The following MAPK15 variants were observed in gnomAD, a reference collection of about 807,000 sequenced individuals.
The protein encoded by MAPK15 is ERK-7.
In MAPK15, 61 loss-of-function variants were observed where a neutral mutation model predicts 60.8. The ratio of observed to expected loss-of-function variants is 1.00; its 90% CI spans 0.82 to 1.24. The LOEUF (loss-of-function observed/expected upper bound fraction) is 1.24, where lower values mean the gene tolerates loss of function less well. MAPK15 is among the 50% of genes most tolerant of loss of function. The pLI is 0.00. For missense variants in MAPK15, 808 were observed against 741.1 expected, an observed-to-expected ratio of 1.09 and a Z score of -1.05; for synonymous variants, 356 against 319.9, an observed-to-expected ratio of 1.11 and a Z score of -1.21.
intron 12 of MAPK15, 27 bp from the exon 13 acceptor site, chr8:143,721,725 G>A (rs1818079488): frequency 1.2e-6 from 2 of 1,613,338 alleles, no homozygotes; most frequent in Non-Finnish European, 1.7e-6. Flanking sequence ...GCACCTTTCA[G>A]TGACCCTGTG....
chr8:143,721,918 C>T (rs1298698026), intron 13 of MAPK15, 38 bp downstream of exon 13: 1 of 1,518,258 alleles, frequency 6.6e-7, no homozygotes, highest in African/African-American at 1.4e-5. Context: ...CCCTCATCCT[C>T]CTTTCCCCTT....
In MAPK15 at chr8:143,718,269, G is replaced by A. The variant is rs1817890905; in HGVS notation, c.253G>A (p.Asp85Asn). ...SLLDVIRAENDRDIYLVFEFM... is the reference protein window; with the variant it reads ...SLLDVIRAENNRDIYLVFEFM... ...CCTTGACGTGATCCGGGCAGAGAAC[G>A]ACAGGGACATTTACCTGGTGTTTGA... Residue 85 changes from aspartate to asparagine, a missense_variant, in exon 4 of 14, where the codon GAC becomes AAC. Physicochemically the swap from Asp to Asn is conservative, Grantham distance 23. Transcript: ENST00000338033. The A allele has an allele frequency of 6.2e-7, 1 of 1,614,132 alleles. No individual in the cohort carries two copies. The highest frequency in any genetic ancestry group is 8.5e-7 in the Non-Finnish European group (1 of 1,180,022).
rs1817953985 is a variant in MAPK15, at chr8:143,719,370, T to A, written c.609T>A (p.Ser203Arg). 1 of 1,609,918 alleles carries A rather than the reference T, an allele frequency of 6.2e-7. No homozygotes were observed. The change falls in exon 7 of 14, where the codon AGT (serine) becomes AGA (arginine). Residue 203 changes from serine (S) to arginine (R), a missense_variant. Coordinates refer to ENST00000338033, the MANE Select transcript of MAPK15 (RefSeq NM_139021.3). ...ACACCCTTGGGGTGGACATGTGGAG[T>A]CTGGGCTGTATCCTGGGGGAGATGC... The part of the protein sequence containing the change: ...HRYTLGVDMW[S>R]LGCILGEMLR...
intron 4 of MAPK15, 48 bp from the exon 5 acceptor site, chr8:143,718,727 G>GGGGGGCCCCCCCCCC: frequency 1.9e-6 from 1 of 514,512 alleles, no homozygotes; most frequent in Non-Finnish European, 3.2e-6. Flanking sequence ...CCCCCAGGTT[G>GGGGGGCCCCCCCCCC]CCCCCCCAGC....
intron 6 of MAPK15, 78 bp from the exon 7 acceptor site, chr8:143,719,264 TC>T: frequency 6.6e-7 from 1 of 1,522,808 alleles, no homozygotes; most frequent in Non-Finnish European, 8.8e-7. Flanking sequence ...CCACAAGTGT[TC>T]CCCCATTCAC....
At position 143,718,785 on chromosome 8, in the gene MAPK15, G is replaced by C; in HGVS notation, c.297G>C (p.Leu99=). 6.3e-7 allele frequency: 1 copy of C among 1,588,560 alleles called. No individual in the cohort carries two copies. The highest frequency in any genetic ancestry group is 8.5e-7 in the Non-Finnish European group (1 of 1,173,366). ...YLVFEFMDTD[L]NAVIRKGGLL... ...GCACCCTCTCTGCAGACACTGACCTGAACGCAGTCATCCGGAAGGGCGGCC... is the reference window on the plus strand; with the variant it reads ...GCACCCTCTCTGCAGACACTGACCTCAACGCAGTCATCCGGAAGGGCGGCC... Residue 99 remains leucine (L), a synonymous_variant, in exon 5 of 14, where the codon CTG becomes CTC. Transcript: ENST00000338033.
Position 143,719,418 on chromosome 8 carries a change from C to T in MAPK15, c.657C>T (p.Pro219=), listed in dbSNP as rs138606785. 21 of 1,610,920 alleles carry T rather than the reference C, an allele frequency of 1.3e-5. No homozygotes were observed. In the Admixed American group the frequency reaches 1.7e-4, roughly 13 times the overall value. The stretch of plus-strand genomic sequence containing the variant: ...TGCTGCGGGGGAGACCCCTGTTCCC[C>T]GGCACGTCCACCCTCCACCAGCTGG... The part of the protein sequence containing the change: ...GEMLRGRPLF[P]GTSTLHQLEL... Residue 219 remains proline (P), a synonymous_variant, in exon 7 of 14, where the codon CCC becomes CCT. Transcript: ENST00000338033.
chr8:143,716,967 A>T (rs1269136549), intron 1 of MAPK15, among the ~76,000 whole-genome samples: 1 of 151,588 alleles, frequency 6.6e-6, no homozygotes, highest in Non-Finnish European at 1.5e-5. Context: ...CGAGGGTGCC[A>T]TGGGGGAGGG....
chr8:143,718,070 C>T lies in MAPK15; in HGVS notation c.189C>T (p.Leu63=), dbSNP rs1563748262. ...AGAGAACATTCCGGGAAATCACGCTCCTCCAGGTGAGTGGCCTGGGCCCTC... is the reference window on the plus strand; with the variant it reads ...AGAGAACATTCCGGGAAATCACGCTTCTCCAGGTGAGTGGCCTGGGCCCTC... ...DAQRTFREIT[L]LQEFGDHPNI... is the part of the protein sequence containing the mutation. The change falls in exon 3 of 14, where the codon CTC becomes CTT. Residue 63 remains leucine, a synonymous_variant. Transcript: ENST00000338033. 3 of 1,614,156 alleles carry T rather than the reference C, an allele frequency of 1.9e-6. No individual in the cohort carries two copies.
rs1554619665 is a variant in MAPK15 at position 143,721,062 on chromosome 8, G to A, written c.980G>A (p.Gly327Glu). The A allele has an allele frequency of 2.5e-6, 4 of 1,612,076 alleles. No individual in the cohort carries two copies. The highest frequency in any genetic ancestry group is 3.3e-5 in the Admixed American group (2 of 59,944). ...GATGTGCGGCCCCGGGCACACGAAG[G>A]GGTCCAGCTCTCTGTGCCTGAGTAC... is the stretch of plus-strand genomic sequence containing the variant. ...EADVRPRAHE[G>E]VQLSVPEYRS... The change falls in exon 10 of 14, where the codon GGG becomes GAG. Residue 327 changes from glycine (G) to glutamate (E), a missense_variant. Gly to Glu is a moderately conservative substitution (Grantham distance 98). Coordinates refer to ENST00000338033, the MANE Select transcript of MAPK15 (RefSeq NM_139021.3).
chr8:143,718,201 T>A lies in MAPK15; in HGVS notation c.196-11T>A. On this transcript the variant is annotated splice_polypyrimidine_tract_variant and intron_variant, in intron 3 of 13. Coordinates refer to ENST00000338033, the MANE Select transcript of MAPK15 (RefSeq NM_139021.3). ...TCCTGGCCTTCCAGCCGCCTCCGAC[T>A]CTCTCCCCAGGAGTTTGGGGACCAT... The A allele has an allele frequency of 2.5e-6, 4 of 1,613,944 alleles. No individual in the cohort carries two copies. Among genetic ancestry groups the A allele is most frequent in the Non-Finnish European group, 3.4e-6 (4 of 1,179,886 alleles).
rs35925379 is a variant in MAPK15, at chr8:143,720,286, C to T, written c.778C>T (p.Arg260Trp). 7.9e-4 allele frequency: 1,249 copies of T among 1,586,806 alleles called. 4 individuals carry two copies. The highest frequency in any genetic ancestry group is 2.0e-3 in the African/African-American group (148 of 74,536). Reference protein sequence around the residue: ...RASVLHQLGSRPRQTLDALLP... With the variant: ...RASVLHQLGSWPRQTLDALLP... ...CTCTGTGCTGCACCAGCTGGGGTCC[C>T]GGTGAGTGGGGGCACTTCGGTGAGG... The change falls in exon 8 of 14, where the codon CGG becomes TGG. Residue 260 changes from arginine (R) to tryptophan (W), a missense_variant and splice_region_variant. By Grantham distance (101) the Arg-to-Trp change is moderately radical. Transcript: ENST00000338033. The surrounding 1 kb of genome is among the most constrained non-coding windows in gnomAD (Gnocchi z 4.6).
intron 1 of MAPK15, 53 bp downstream of exon 1, chr8:143,716,496 G>A: frequency 6.5e-7 from 1 of 1,543,354 alleles, no homozygotes; most frequent in South Asian, 1.2e-5. Context: ...GATCTGCGGA[G>A]AGAGGACCTG....
chr8:143,721,239 G>C lies in MAPK15; in HGVS notation c.1032G>C (p.Leu344=), dbSNP rs1554619726. ...EYRSRVYQMI[L]ECGGSSGTSR... is the part of the protein sequence containing the mutation. ...CCCTTCCCCTCCCGCAGATGATCCT[G>C]GAGTGTGGAGGCAGCAGCGGCACCT... The change falls in exon 11 of 14, where the codon CTG becomes CTC. Residue 344 remains leucine, a synonymous_variant. Coordinates refer to ENST00000338033, the MANE Select transcript of MAPK15 (RefSeq NM_139021.3). The C allele has an allele frequency of 6.2e-7, 1 of 1,610,702 alleles. No individual in the cohort carries two copies. The highest frequency in any genetic ancestry group is 8.5e-7 in the Non-Finnish European group (1 of 1,178,510).
At chr8:143,717,024 G>A (rs1409022506) in intron 1 of MAPK15, among the ~76,000 whole-genome samples, 1 of 152,176 alleles carries the variant, frequency 6.6e-6, no homozygotes, top group African/African-American at 2.4e-5. Context: ...CGTAGGCCCA[G>A]TGCAGGGTTG....
rs782796586 is a variant in MAPK15, at chr8:143,716,400, G to A, written c.23G>A (p.Arg8His). MCTVVDP[R>H]IVRRYLLRRQ... ...GCCATGTGCACCGTAGTGGACCCTC[G>A]CATTGTCCGGAGATACCTACTCAGG... The change falls in exon 1 of 14, where the codon CGC (arginine) becomes CAC (histidine). Residue 8 changes from arginine to histidine, a missense_variant. By Grantham distance (29) the Arg-to-His change is conservative (BLOSUM62 0). Coordinates refer to ENST00000338033, the MANE Select transcript of MAPK15 (RefSeq NM_139021.3). The A allele has an allele frequency of 1.2e-6, 2 of 1,605,192 alleles. No individual in the cohort carries two copies. Among genetic ancestry groups the A allele is most frequent in the Non-Finnish European group, 8.5e-7 (1 of 1,176,874 alleles).
rs1554619404 is a variant in MAPK15 at position 143,720,280 on chromosome 8, G to T, written c.772G>T (p.Gly258Trp). The T allele has an allele frequency of 6.3e-7, 1 of 1,588,330 alleles. No homozygotes were observed. Among genetic ancestry groups the T allele is most frequent in the Admixed American group, 1.8e-5 (1 of 56,950 alleles). ...CCGTGCCTCTGTGCTGCACCAGCTG[G>T]GGTCCCGGTGAGTGGGGGCACTTCG... The part of the protein sequence containing the change: ...GCRASVLHQL[G>W]SRPRQTLDAL... Residue 258 changes from glycine (G) to tryptophan (W), a missense_variant, in exon 8 of 14, where the codon GGG becomes TGG. By Grantham distance (184) the Gly-to-Trp change is radical. Transcript: ENST00000338033. The surrounding 1 kb of genome is among the most constrained non-coding windows in gnomAD (Gnocchi z 4.6).
At position 143,718,909 on chromosome 8, in the gene MAPK15, C is replaced by T. The variant is rs367877662; in HGVS notation, c.417+4C>T. ...CGTTGTGCACCGGGACCAGAAGGTG[C>T]GGTTCCCCCGCCCCCGCTATGCCAC... On this transcript the variant is annotated splice_donor_region_variant and intron_variant, in intron 5 of 13. Transcript: ENST00000338033. 6.2e-6 allele frequency: 10 copies of T among 1,601,140 alleles called. No individual in the cohort carries two copies. Among genetic ancestry groups the T allele is most frequent in the Middle Eastern group, 1.7e-4 (1 of 6,008 alleles).
chr8:143,721,381 A>G lies in MAPK15; in HGVS notation c.1174A>G (p.Ser392Gly), dbSNP rs1554619803. ...PVQGPRPRPQ[S>G]SPGHDPAEHE... is the part of the protein sequence containing the mutation. Reference sequence around the variant, plus strand: ...GCAGGGTCCCAGACCCAGGCCCCAGAGCAGCCCAGGCCATGACCCTGCCGA... The same window carrying G: ...GCAGGGTCCCAGACCCAGGCCCCAGGGCAGCCCAGGCCATGACCCTGCCGA... Residue 392 changes from serine (S) to glycine (G), a missense_variant, in exon 11 of 14, where the codon AGC becomes GGC. Physicochemically the swap from Ser to Gly is moderately conservative, Grantham distance 56 (BLOSUM62 0). Coordinates refer to ENST00000338033, the MANE Select transcript of MAPK15 (RefSeq NM_139021.3). The G allele has an allele frequency of 6.2e-7, 1 of 1,612,708 alleles. No individual in the cohort carries two copies. Among genetic ancestry groups the G allele is most frequent in the Admixed American group, 1.7e-5 (1 of 59,932 alleles).
Sources: allele counts gnomAD v4.1 joint callset (sites outside exome capture counted in the v4.1 genomes callset), GRCh38; gene constraint gnomAD v4.1.1; non-coding constraint Gnocchi (gnomAD v3.1); transcripts MANE v1.5; gene names NCBI Gene and HGNC (gene_info 2026-07-23, HGNC 2026-07-21).